TRIM9: variants seen among roughly 807,000 people sequenced by gnomAD.
The protein encoded by TRIM9 is tripartite motif containing 9.
Under a neutral mutation model 78.3 loss-of-function variants are expected in TRIM9, and 26 were observed. The ratio of observed to expected loss-of-function variants is 0.33; its 90% CI spans 0.24 to 0.46. The LOEUF is 0.46. TRIM9 is among the 20% of genes least tolerant of loss of function. TRIM9 has a pLI of 1.00. For missense variants in TRIM9, 787 were observed against 1,036.4 expected (o/e 0.76, Z 3.30); for synonymous variants, 398 against 416.5 (o/e 0.96, Z 0.54).
intron 7 of TRIM9, among the ~76,000 whole-genome samples, chr14:50,989,157 T>C (rs1274910804): frequency 2.0e-5 from 3 of 152,218 alleles, no homozygotes; most frequent in Non-Finnish European, 2.9e-5. Context: ...CATTTCACTA[T>C]GTATGGATTC....
chr14:50,982,447 T>A lies in TRIM9; in HGVS notation c.1859-344A>T, dbSNP rs547536050. ...ACCAGAGACATAAAGGGAGAGGGGA[T>A]GCGCTAAGATGCCTGTGTAACCCCT... On this transcript the variant is annotated intron_variant, in intron 10 of 12. Transcript: ENST00000684578. The A allele has an allele frequency of 5.5e-5, 20 of 366,804 alleles. No individual in the cohort carries two copies. In the South Asian group the frequency reaches 7.1e-4, roughly 13 times the overall value. 22.7% of individuals were successfully genotyped at this position (366,804 alleles called of 1,614,324 possible). A position where few individuals can be genotyped will look rare whatever the true frequency, so the allele number is the denominator to read the frequency against.
chr14:50,978,470 T>C (rs367635868), intron 12 of TRIM9, among the ~76,000 whole-genome samples: 14 of 152,230 alleles, frequency 9.2e-5, no homozygotes, highest in African/African-American at 3.4e-4. Context: ...GCAAGGCCCC[T>C]CATGCCTTAG....
intron 1 of TRIM9, among the ~76,000 whole-genome samples, chr14:51,054,092 C>T (rs2060683428): frequency 6.6e-6 from 1 of 152,146 alleles, no homozygotes; most frequent in African/African-American, 2.4e-5. Context: ...ATCATTTTGA[C>T]ATCATTAAAA....
chr14:51,071,646 TA>T (rs201840743), intron 1 of TRIM9, among the ~76,000 whole-genome samples: 7 of 146,910 alleles, frequency 4.8e-5, no homozygotes, highest in Admixed American at 6.8e-5. Flanking sequence ...CTACTAAAAA[TA>T]AAAAAAAAAT....
intron 1 of TRIM9, among the ~76,000 whole-genome samples, chr14:51,034,499 C>T (rs553310731): frequency 3.6e-4 from 55 of 152,230 alleles, no homozygotes; most frequent in African/African-American, 1.3e-3. Context: ...ACATTCATCA[C>T]CTTCAGCAGG....
intron 1 of TRIM9, among the ~76,000 whole-genome samples, chr14:51,060,611 C>A (rs759683617): frequency 1.3e-5 from 2 of 152,138 alleles, no homozygotes; most frequent in African/African-American, 4.8e-5. Context: ...GAACTACAGG[C>A]GCCTGCCACC....
chr14:50,993,268 A>C (rs1163290551), intron 7 of TRIM9, among the ~76,000 whole-genome samples: 3 of 152,214 alleles, frequency 2.0e-5, no homozygotes, highest in Non-Finnish European at 4.4e-5. Flanking sequence ...CAAAGACATG[A>C]AAATGAGCAC....
chr14:51,013,655 G>C (rs1190003277), intron 3 of TRIM9, among the ~76,000 whole-genome samples: 3 of 151,858 alleles, frequency 2.0e-5, no homozygotes, highest in Non-Finnish European at 4.4e-5. Context: ...GTGAGTTTTG[G>C]GGGGATCAAA....
chr14:51,009,102 C>T lies in TRIM9; in HGVS notation c.1284G>A (p.Gln428=). The T allele has an allele frequency of 6.2e-7, 1 of 1,613,984 alleles. No individual in the cohort carries two copies. Among genetic ancestry groups the T allele is most frequent in the Non-Finnish European group, 8.5e-7 (1 of 1,179,890 alleles). The change falls in exon 5 of 13, where the codon CAG becomes CAA. Residue 428 remains glutamine, a synonymous_variant. Coordinates refer to ENST00000684578, the MANE Select transcript of TRIM9 (RefSeq NM_001387360.1). The stretch of plus-strand genomic sequence containing the variant: ...TACCTTTCACTTGCACGAAATCCAG[C>T]TGGTGGATGGATTGCAGCAGAGGGC... ...DNSPLLQSIH[Q]LDFVQVKASS...
At chr14:51,079,388 T>G (rs1160248509) in intron 1 of TRIM9, among the ~76,000 whole-genome samples, 1 of 152,236 alleles carries the variant, frequency 6.6e-6, no homozygotes, top group Non-Finnish European at 1.5e-5. Context: ...GCCCTCAATG[T>G]AAGTAGAACT....
chr14:51,081,260 C>T (rs182806223), intron 1 of TRIM9, among the ~76,000 whole-genome samples: 1 of 152,332 alleles, frequency 6.6e-6, no homozygotes, highest in Non-Finnish European at 1.5e-5. Context: ...CTCAACATCA[C>T]TAGTCATTAG....
At chr14:51,075,610 A>T (rs1343177636) in intron 1 of TRIM9, among the ~76,000 whole-genome samples, 1 of 151,938 alleles carries the variant, frequency 6.6e-6, no homozygotes, top group Non-Finnish European at 1.5e-5. Flanking sequence ...TTTTTTCCTG[A>T]TTTTTCCTGC....
chr14:51,052,828 G>A (rs150514863), intron 1 of TRIM9, among the ~76,000 whole-genome samples: 175 of 152,120 alleles, frequency 1.2e-3, no homozygotes, highest in Non-Finnish European at 2.2e-3. Flanking sequence ...TGCACTATAC[G>A]AGCCCCATAC....
rs1487957610 is a variant in TRIM9 at position 50,982,074 on chromosome 14, C to T, written c.1888G>A (p.Ala630Thr). ...VAWFAFDPGS[A>T]HSDIILSNDN... ...TTGGAGAGGATGATGTCCGAGTGCG[C>T]CGAGCCAGGGTCGAAAGCAAACCAG... The change falls in exon 11 of 13, where the codon GCG (alanine) becomes ACG (threonine). Residue 630 changes from alanine (A) to threonine (T), a missense_variant. By Grantham distance (58) the Ala-to-Thr change is moderately conservative (BLOSUM62 0). This residue lies in a region of TRIM9 where 421 missense variants were observed against 514.3 expected (regional missense o/e 0.82). Coordinates refer to ENST00000684578, the MANE Select transcript of TRIM9 (RefSeq NM_001387360.1). 1 of 1,614,046 alleles carries T rather than the reference C, an allele frequency of 6.2e-7. No homozygotes were observed. The highest frequency in any genetic ancestry group is 1.1e-5 in the South Asian group (1 of 91,080).
chr14:51,040,717 T>G (rs2059520680), intron 1 of TRIM9, among the ~76,000 whole-genome samples: 1 of 152,096 alleles, frequency 6.6e-6, no homozygotes, highest in Non-Finnish European at 1.5e-5. Flanking sequence ...TTCTTTACTT[T>G]GATTATGAGT....
rs780630344 is a variant in TRIM9 at position 50,983,512 on chromosome 14, T to C, written c.1793-91A>G. ...ACGCTTAAAAAGCACCAGTTGAATA[T>C]AGATACCAGAGGCCTGATCCATGAA... On this transcript the variant is annotated intron_variant, in intron 8 of 12. Transcript: ENST00000684578. 1.7e-5 allele frequency: 16 copies of C among 961,546 alleles called. No homozygotes were observed. The Middle Eastern group carries it at 6.5e-4, about 39-fold the overall frequency. 59.6% of individuals were successfully genotyped at this position (961,546 alleles called of 1,614,324 possible).
intron 1 of TRIM9, among the ~76,000 whole-genome samples, chr14:51,058,234 C>T (rs1006086368): frequency 2.0e-5 from 3 of 152,158 alleles, no homozygotes; most frequent in African/African-American, 7.2e-5. Flanking sequence ...GAACTCAGAT[C>T]CAAAACCTAA....
chr14:51,064,403 T>A (rs979823128), intron 1 of TRIM9, among the ~76,000 whole-genome samples: 1 of 151,930 alleles, frequency 6.6e-6, no homozygotes, highest in Non-Finnish European at 1.5e-5. Flanking sequence ...AATTCAAAAG[T>A]GTAACTACTC....
chr14:51,017,622 G>C (rs978685968), intron 3 of TRIM9, among the ~76,000 whole-genome samples: 1 of 152,262 alleles, frequency 6.6e-6, no homozygotes, highest in East Asian at 1.9e-4. Flanking sequence ...GTTGCAATAA[G>C]AGTGAAGCAG....
Sources: allele counts gnomAD v4.1 joint callset (sites outside exome capture counted in the v4.1 genomes callset), GRCh38; gene constraint gnomAD v4.1.1; regional missense constraint gnomAD v4.1.1; transcripts MANE v1.5; gene names NCBI Gene and HGNC (gene_info 2026-07-23, HGNC 2026-07-21).